The following CUX1 variants were observed in gnomAD, a reference collection of about 807,000 sequenced individuals.
CUX1 encodes protein CASP.
In CUX1, 31 loss-of-function variants were observed where a neutral mutation model predicts 158.8. The observed-to-expected ratio is 0.20, with a 90% confidence interval of 0.15 to 0.26. CUX1 has a LOEUF of 0.26. CUX1 is among the 10% of genes least tolerant of loss of function. CUX1 has a pLI of 1.00. For synonymous variants in CUX1, 879 were observed against 862.1 expected, an observed-to-expected ratio of 1.02 and a Z score of -0.34; for missense variants, 1,589 against 2,014.6, an observed-to-expected ratio of 0.79 and a Z score of 4.04.
intron 2 of CUX1, among the ~76,000 whole-genome samples, chr7:101,942,866 C>T (rs2970478): frequency 0.6 from 90,674 of 152,038 alleles, 28,510 homozygotes; most frequent in Middle Eastern, 0.72. Context: ...GCATGGGCTT[C>T]GCTGCACACG....
intron 6 of CUX1, among the ~76,000 whole-genome samples, chr7:102,110,396 A>G (rs543227138): frequency 8.5e-5 from 13 of 152,316 alleles, no homozygotes; most frequent in African/African-American, 3.1e-4. Flanking sequence ...ATAATGTTAC[A>G]TATTAATTCA....
At chr7:102,138,335 T>A (rs1331162206) in intron 8 of CUX1, among the ~76,000 whole-genome samples, 1 of 152,204 alleles carries the variant, frequency 6.6e-6, no homozygotes, top group Non-Finnish European at 1.5e-5. Context: ...TAAATTTCTC[T>A]TTATTGTTGA....
intron 8 of CUX1, among the ~76,000 whole-genome samples, chr7:102,118,328 A>G (rs1831650903): frequency 6.6e-6 from 1 of 152,178 alleles, no homozygotes; most frequent in African/African-American, 2.4e-5. Flanking sequence ...ACTTGAGCCC[A>G]GGAGTTCAAG....
chr7:101,996,981 G>GTGTGCACTCCCCTGCGCTCA (rs1335512205), intron 2 of CUX1, among the ~76,000 whole-genome samples: 13 of 151,598 alleles, frequency 8.6e-5, no homozygotes, highest in African/African-American at 3.2e-4. Flanking sequence ...CCCTGCGCTC[G>GTGTGCACTCCCCTGCGCTCA]TGTGCACTCC....
intron 2 of CUX1, among the ~76,000 whole-genome samples, chr7:101,946,424 A>G (rs1351283291): frequency 2.0e-5 from 3 of 151,848 alleles, no homozygotes; most frequent in African/African-American, 7.3e-5. Flanking sequence ...TGCGTCTGTA[A>G]TTCCAGCTAC....
chr7:101,976,090 A>AC (rs1170020396), intron 2 of CUX1, among the ~76,000 whole-genome samples: 3 of 152,140 alleles, frequency 2.0e-5, no homozygotes, highest in Non-Finnish European at 4.4e-5. Context: ...CCGAGATCAC[A>AC]CCACTGCACT....
chr7:102,092,912 C>CAAAAAAA (rs60587564), intron 4 of CUX1, among the ~76,000 whole-genome samples: 1 of 74,928 alleles, frequency 1.3e-5, no homozygotes, highest in Non-Finnish European at 2.6e-5. Context: ...GACTCCGTCT[C>CAAAAAAA]AAAAAAAAAA....
chr7:102,061,337 A>T (rs1824849679), intron 3 of CUX1, among the ~76,000 whole-genome samples: 1 of 152,056 alleles, frequency 6.6e-6, no homozygotes, highest in African/African-American at 2.4e-5. Context: ...CTTTCCATTG[A>T]CCATGTGGCC....
chr7:102,025,962 A>G (rs1300900413), intron 2 of CUX1, among the ~76,000 whole-genome samples: 1 of 152,060 alleles, frequency 6.6e-6, no homozygotes, highest in Non-Finnish European at 1.5e-5. Flanking sequence ...AGATCGCTTG[A>G]GTCCAGGAAT....
intron 8 of CUX1, among the ~76,000 whole-genome samples, chr7:102,117,046 C>T (rs2131142665): frequency 6.6e-6 from 1 of 152,258 alleles, no homozygotes; most frequent in East Asian, 1.9e-4. Flanking sequence ...CGCTGACGGT[C>T]AGCAGGTCAG....
At chr7:101,866,253 G>A (rs548105429) in intron 1 of CUX1, among the ~76,000 whole-genome samples, 1 of 152,206 alleles carries the variant, frequency 6.6e-6, no homozygotes, top group East Asian at 1.9e-4. Context: ...CTTGAGGCCA[G>A]GGGTTCGAGA....
chr7:101,816,147 C>A, upstream of CUX1: 1 of 1,084,616 alleles, frequency 9.2e-7, no homozygotes, highest in Non-Finnish European at 1.2e-6. Context: ...TGCGGGCGGT[C>A]GCGGCCTCCG....
At chr7:102,280,120 G>A (rs1554548837) in exon 19 of CUX1, 1 of 1,605,474 alleles carries the variant, frequency 6.2e-7, no homozygotes, top group Admixed American at 1.7e-5. Context: ...TCAGCAAGCG[G>A]GTTCGTGAGC....
intron 20 of CUX1, among the ~76,000 whole-genome samples, chr7:102,222,976 G>A (rs1586307529): frequency 6.6e-6 from 1 of 151,242 alleles, no homozygotes; most frequent in African/African-American, 2.4e-5. Context: ...GCTAATTTTT[G>A]TATTTTTAGT....
chr7:102,106,492 G>A (rs1435532267), intron 6 of CUX1, among the ~76,000 whole-genome samples: 1 of 152,140 alleles, frequency 6.6e-6, no homozygotes, highest in African/African-American at 2.4e-5. Flanking sequence ...AGGGCCTGGA[G>A]AGAAGCAGCT....
Position 101,971,736 on chromosome 7 carries a change from A to C in CUX1, c.141+55511A>C, listed in dbSNP as rs111366035. ...GGTGTTGGCAAAAAAAATTCTCCCT[A>C]AAGATCCTCGTAAAAAGAAGTCACT... On this transcript the variant is annotated intron_variant, in intron 2 of 23. Coordinates refer to ENST00000292535, the MANE Select transcript of CUX1 (RefSeq NM_181552.4). Among the ~76,000 whole-genome samples, 10 of 152,300 alleles carry C rather than the reference A, an allele frequency of 6.6e-5. 1 individual carries two copies. Among genetic ancestry groups the C allele is most frequent in the African/African-American group, 2.4e-4 (10 of 41,576 alleles).
rs894511165 is a variant in CUX1, at chr7:102,250,965, T to C, written c.*1923T>C. 1.0e-6 allele frequency: 1 copy of C among 960,844 alleles called. No individual in the cohort carries two copies. 59.5% of individuals were successfully genotyped at this position (960,844 alleles called of 1,614,324 possible). A position where few individuals can be genotyped will look rare whatever the true frequency, so the allele number is the denominator to read the frequency against. On this transcript the variant is annotated 3_prime_UTR_variant, in exon 24 of 24. Transcript: ENST00000292535. The stretch of plus-strand genomic sequence containing the variant: ...AAACTAACAATAGATGATTTCGGTA[T>C]ATATATATATTTTTTTTTGCTTATT...
At chr7:101,874,510 G>T (rs1415402347) in intron 1 of CUX1, among the ~76,000 whole-genome samples, 1 of 152,220 alleles carries the variant, frequency 6.6e-6, no homozygotes, top group Admixed American at 6.5e-5. Flanking sequence ...CATCGCCTTG[G>T]TGCCAGGCAC....
At chr7:102,129,959 A>C (rs1833037204) in intron 8 of CUX1, among the ~76,000 whole-genome samples, 1 of 152,090 alleles carries the variant, frequency 6.6e-6, no homozygotes, top group Non-Finnish European at 1.5e-5. Context: ...GGATTTCGTT[A>C]AAAAACTTTT....
Sources: gnomAD v4.1 joint callset for allele counts (sites outside exome capture counted in the v4.1 genomes callset) on GRCh38, gnomAD v4.1.1 for gene constraint, MANE v1.5 for transcripts, NCBI Gene and HGNC (gene_info 2026-07-23, HGNC 2026-07-21) for gene names.